Variants in SCD5 observed in about 807,000 individuals in gnomAD.
The protein encoded by SCD5 is acyl-CoA-desaturase 4.
A neutral mutation model predicts 30.4 loss-of-function variants in SCD5; 20 were observed. That is an observed-to-expected ratio of 0.66 (90% CI 0.46 to 0.96). The LOEUF (loss-of-function observed/expected upper bound fraction) is 0.96. SCD5 is among the 40% of genes least tolerant of loss of function. The pLI is 0.00. For missense variants in SCD5, 381 were observed against 443.3 expected (o/e 0.86, Z 1.26); for synonymous variants, 173 against 176.4 (o/e 0.98, Z 0.16).
intron 1 of SCD5, among the ~76,000 whole-genome samples, chr4:82,708,211 A>G (rs1327335835): frequency 6.6e-6 from 1 of 152,218 alleles, no homozygotes; most frequent in Non-Finnish European, 1.5e-5. Context: ...ACTTGTATAC[A>G]TTAAATAGGT....
chr4:82,758,589 G>T (rs1422834994), intron 1 of SCD5, among the ~76,000 whole-genome samples: 1 of 152,178 alleles, frequency 6.6e-6, no homozygotes, highest in Non-Finnish European at 1.5e-5. Context: ...GAATTTGAGG[G>T]ACGTAATATG....
At chr4:82,668,269 A>ATCTT (rs1728234456) in intron 3 of SCD5, among the ~76,000 whole-genome samples, 1 of 152,182 alleles carries the variant, frequency 6.6e-6, no homozygotes, top group East Asian at 1.9e-4. Flanking sequence ...GACAAGAGGG[A>ATCTT]GTGAACCGAG....
intron 1 of SCD5, among the ~76,000 whole-genome samples, chr4:82,768,317 T>A (rs1016838527): frequency 6.6e-6 from 1 of 152,158 alleles, no homozygotes; most frequent in Non-Finnish European, 1.5e-5. Flanking sequence ...ACAGGAGTGA[T>A]CTGATAAATT....
At chr4:82,673,600 A>G (rs993625913) in intron 3 of SCD5, among the ~76,000 whole-genome samples, 8 of 152,192 alleles carry the variant, frequency 5.3e-5, no homozygotes, top group Non-Finnish European at 1.2e-4. Context: ...TCTATATTCA[A>G]TGCAATTCCA....
chr4:82,712,296 A>ATT (rs1341269139), intron 1 of SCD5, among the ~76,000 whole-genome samples: 7 of 27,480 alleles, frequency 2.5e-4, no homozygotes, highest in Admixed American at 9.7e-4. Flanking sequence ...ATATATATAT[A>ATT]TTTTATTTTT....
In SCD5 at chr4:82,636,837, C is replaced by A; in HGVS notation, c.570-14G>T. The A allele has an allele frequency of 6.3e-7, 1 of 1,588,592 alleles. No individual in the cohort carries two copies. The highest frequency in any genetic ancestry group is 8.6e-7 in the Non-Finnish European group (1 of 1,165,754). ...ATCTTATAGTACCTACAGGGCAAGA[C>A]ACCATATCACCATGAGGACCCGCTG... is the stretch of plus-strand genomic sequence containing the variant. On this transcript the variant is annotated splice_polypyrimidine_tract_variant and intron_variant, in intron 3 of 4. Transcript: ENST00000319540.
chr4:82,687,891 A>C (rs760173882), intron 2 of SCD5, among the ~76,000 whole-genome samples: 1 of 152,224 alleles, frequency 6.6e-6, no homozygotes, highest in Non-Finnish European at 1.5e-5. Context: ...TCTAAATGGC[A>C]ACAGAGGACA....
chr4:82,641,423 A>G (rs1727543468), intron 3 of SCD5, among the ~76,000 whole-genome samples: 1 of 152,190 alleles, frequency 6.6e-6, no homozygotes, highest in African/African-American at 2.4e-5. Flanking sequence ...GGTAAATACC[A>G]GGAAGAAAAA....
intron 1 of SCD5, among the ~76,000 whole-genome samples, chr4:82,780,812 AGGCCCCAGGG>A (rs1242196532): frequency 2.0e-5 from 3 of 152,266 alleles, no homozygotes; most frequent in African/African-American, 4.8e-5. Flanking sequence ...CCACCCCAGG[AGGCCCCAGGG>A]GGCCAGCCTG....
chr4:82,634,807 C>T (rs4117219), intron 4 of SCD5, among the ~76,000 whole-genome samples: 90,969 of 152,104 alleles, frequency 0.6, 28,190 homozygotes, highest in Admixed American at 0.71. Flanking sequence ...ACACTGGCCA[C>T]GGCTTCCCTC....
intron 1 of SCD5, among the ~76,000 whole-genome samples, chr4:82,751,397 C>T (rs1222486705): frequency 6.6e-6 from 1 of 152,058 alleles, no homozygotes; most frequent in Non-Finnish European, 1.5e-5. Flanking sequence ...TACTTGCATT[C>T]GACATTCATG....
chr4:82,718,004 AGTG>A (rs2148831280), intron 1 of SCD5, among the ~76,000 whole-genome samples: 1 of 150,854 alleles, frequency 6.6e-6, no homozygotes, highest in African/African-American at 2.5e-5. Flanking sequence ...ATTTCAGGCA[AGTG>A]AAAAAAAAAA....
intron 4 of SCD5, among the ~76,000 whole-genome samples, chr4:82,634,699 G>C (rs757179999): frequency 5.3e-5 from 8 of 152,088 alleles, no homozygotes; most frequent in Non-Finnish European, 8.8e-5. Flanking sequence ...AGCTCCTTAG[G>C]GCCCATGTCA....
At chr4:82,793,791 A>G (rs1312532801) in intron 1 of SCD5, among the ~76,000 whole-genome samples, 1 of 152,202 alleles carries the variant, frequency 6.6e-6, no homozygotes, top group Non-Finnish European at 1.5e-5. Context: ...AAATTTGTCC[A>G]AGGCCATTCA....
intron 1 of SCD5, among the ~76,000 whole-genome samples, chr4:82,728,798 G>C (rs561549793): frequency 5.3e-5 from 8 of 152,232 alleles, no homozygotes; most frequent in African/African-American, 1.9e-4. Context: ...CTCCCATGTG[G>C]GCTACGCTCA....
chr4:82,742,924 C>T (rs1176643486), intron 1 of SCD5, among the ~76,000 whole-genome samples: 1 of 152,138 alleles, frequency 6.6e-6, no homozygotes, highest in Non-Finnish European at 1.5e-5. Flanking sequence ...TCCCTTATCC[C>T]TAACTCCCCA....
At chr4:82,738,549 C>T (rs1459065964) in intron 1 of SCD5, among the ~76,000 whole-genome samples, 1 of 152,202 alleles carries the variant, frequency 6.6e-6, no homozygotes, top group Non-Finnish European at 1.5e-5. Context: ...TTCTTACTTG[C>T]CAGCTTAGAC....
intron 3 of SCD5, among the ~76,000 whole-genome samples, chr4:82,669,497 C>G (rs929300392): frequency 6.6e-6 from 1 of 152,182 alleles, no homozygotes; most frequent in Non-Finnish European, 1.5e-5. Context: ...CAGGCAGATA[C>G]AGAGAATCAC....
At chr4:82,767,475 G>T (rs1483812623) in intron 1 of SCD5, among the ~76,000 whole-genome samples, 1 of 152,138 alleles carries the variant, frequency 6.6e-6, no homozygotes, top group African/African-American at 2.4e-5. Context: ...GGCTCACCTT[G>T]TTTGCATCTC....
Sources: allele counts gnomAD v4.1 joint callset (sites outside exome capture counted in the v4.1 genomes callset), GRCh38; gene constraint gnomAD v4.1.1; transcripts MANE v1.5; gene names NCBI Gene and HGNC (gene_info 2026-07-23, HGNC 2026-07-21).